BNC2: variants seen among roughly 807,000 people sequenced by gnomAD.
The protein encoded by BNC2 is basonuclin zinc finger protein 2, also known as zinc finger protein basonuclin-2.
BNC2 carries 20 observed loss-of-function variants against 76.3 expected under a neutral mutation model. The ratio of observed to expected loss-of-function variants is 0.26; its 90% CI spans 0.18 to 0.38. BNC2 has a LOEUF of 0.38. BNC2 is among the 10% of genes least tolerant of loss of function. The pLI, the probability that BNC2 is intolerant of heterozygous loss-of-function variation, is 1.00. For synonymous variants in BNC2, 582 were observed against 514.8 expected (o/e 1.13, Z -1.77); for missense variants, 1,382 against 1,399.8 (o/e 0.99, Z 0.20).
intron 3 of BNC2, among the ~76,000 whole-genome samples, chr9:16,653,083 C>T (rs1821836876): frequency 1.3e-5 from 2 of 152,024 alleles, no homozygotes; most frequent in South Asian, 4.2e-4. Flanking sequence ...TTAAAATTAC[C>T]TGATTTTCAG....
At chr9:16,598,560 G>A (rs7861648) in intron 3 of BNC2, among the ~76,000 whole-genome samples, 4,541 of 152,220 alleles carry the variant, frequency 0.03, 242 homozygotes, top group African/African-American at 0.1. Context: ...TCACCACTAC[G>A]GGGAAGAGAC....
chr9:16,705,273 T>C (rs1823633422), intron 3 of BNC2, among the ~76,000 whole-genome samples: 2 of 152,240 alleles, frequency 1.3e-5, no homozygotes, highest in South Asian at 4.2e-4. Context: ...AATGCACTAG[T>C]CACAACAGAC....
At chr9:16,804,124 A>C (rs1322516134) in intron 1 of BNC2, among the ~76,000 whole-genome samples, 1 of 152,268 alleles carries the variant, frequency 6.6e-6, no homozygotes, top group Non-Finnish European at 1.5e-5. Context: ...GAAATGTCAC[A>C]GTAGTTTGCC....
chr9:16,731,769 A>G (rs998522926), intron 2 of BNC2, among the ~76,000 whole-genome samples: 2 of 152,206 alleles, frequency 1.3e-5, no homozygotes, highest in Admixed American at 1.3e-4. Flanking sequence ...ACACCTTATT[A>G]AGCATTTCAT....
Position 16,661,226 on chromosome 9 carries a change from T to A in BNC2, c.330+66571A>T, listed in dbSNP as rs550285045. Among the ~76,000 whole-genome samples, 6 of 152,278 alleles carry A rather than the reference T, an allele frequency of 3.9e-5. No individual in the cohort carries two copies. The South Asian group carries it at 8.3e-4, about 21-fold the overall frequency. ...TCATCAGAAGAACAGATGTAATGGG[T>A]AATATACTCATCTTCTAACAAAAAA... On this transcript the variant is annotated intron_variant, in intron 3 of 6. Transcript: ENST00000380672.
intron 1 of BNC2, among the ~76,000 whole-genome samples, chr9:16,858,238 T>C (rs927413903): frequency 6.6e-6 from 1 of 152,238 alleles, no homozygotes; most frequent in African/African-American, 2.4e-5. Context: ...GGGTACTTAA[T>C]TCCACCCTTC....
rs111586424 is a variant in BNC2, at chr9:16,839,423, G to C, written c.3+31223C>G. 1.7e-3 allele frequency among the ~76,000 whole-genome samples: 262 copies of C among 152,226 alleles called. 1 individual carries two copies. The highest frequency in any genetic ancestry group is 6.0e-3 in the African/African-American group (250 of 41,552). On this transcript the variant is annotated intron_variant, in intron 1 of 6. Transcript: ENST00000380672. ...AAATACTGCCCAAATTACTAGTTTT[G>C]AAAGCTATCCTAGAATAGAAATAAA...
At chr9:16,781,485 G>A (rs1826153455) in intron 1 of BNC2, among the ~76,000 whole-genome samples, 1 of 152,244 alleles carries the variant, frequency 6.6e-6, no homozygotes, top group Non-Finnish European at 1.5e-5. Flanking sequence ...TGGGACTACA[G>A]GCGCAAGCCG....
chr9:16,815,089 T>C (rs1026022182), intron 1 of BNC2, among the ~76,000 whole-genome samples: 1 of 152,106 alleles, frequency 6.6e-6, no homozygotes, highest in Non-Finnish European at 1.5e-5. Context: ...CTTACACTCG[T>C]TTGACCAGCC....
In BNC2 at chr9:16,678,261, C is replaced by CTTTCTCTTTTTTTTTTTTTTTT. The variant is rs1473647913; in HGVS notation, c.330+49535_330+49536insAAAAAAAAAAAAAAAAGAGAAA. On this transcript the variant is annotated intron_variant, in intron 3 of 6. Transcript: ENST00000380672. ...ACCATAACTTGTAACTGTTTTCTTT[C>CTTTCTCTTTTTTTTTTTTTTTT]TTTTTCTTTTTTTTTTTTTTTTTTT... Among the ~76,000 whole-genome samples, 6 of 75,888 alleles carry CTTTCTCTTTTTTTTTTTTTTTT rather than the reference C, an allele frequency of 7.9e-5. 1 individual carries two copies. Among genetic ancestry groups the CTTTCTCTTTTTTTTTTTTTTTT allele is most frequent in the East Asian group, 1.3e-3 (2 of 1,570 alleles). 49.8% of individuals were successfully genotyped at this position (75,888 alleles called of 152,430 possible).
rs564917731 is a variant in BNC2, at chr9:16,756,422, C to G, written c.4-17937G>C. ...CATTCCTCTCTCTATTACTCTGGTA[C>G]AGACTCTCATATTTTGACAGCTGAA... On this transcript the variant is annotated intron_variant, in intron 1 of 6. Coordinates refer to ENST00000380672, the MANE Select transcript of BNC2 (RefSeq NM_017637.6). Among the ~76,000 whole-genome samples, 6 of 152,256 alleles carry G rather than the reference C, an allele frequency of 3.9e-5. No homozygotes were observed. In the South Asian group the frequency reaches 6.2e-4, roughly 16 times the overall value.
chr9:16,690,474 C>T (rs898919521), intron 3 of BNC2, among the ~76,000 whole-genome samples: 2 of 152,006 alleles, frequency 1.3e-5, no homozygotes, highest in Non-Finnish European at 2.9e-5. Context: ...TACATACATA[C>T]ATACATACAT....
intron 1 of BNC2, among the ~76,000 whole-genome samples, chr9:16,802,834 T>C (rs940022201): frequency 6.6e-6 from 1 of 152,238 alleles, no homozygotes; most frequent in Non-Finnish European, 1.5e-5. Flanking sequence ...AAAGCAAGTA[T>C]GATGTTTTCC....
chr9:16,805,713 GCACA>G (rs57325819), intron 1 of BNC2, among the ~76,000 whole-genome samples: 3 of 149,198 alleles, frequency 2.0e-5, no homozygotes, highest in East Asian at 2.0e-4. Context: ...TTGCATACAT[GCACA>G]CACACACACA....
intron 5 of BNC2, among the ~76,000 whole-genome samples, chr9:16,446,790 G>T (rs1587036905): frequency 7.1e-5 from 1 of 14,088 alleles, no homozygotes; most frequent in East Asian, 1.9e-3. Flanking sequence ...GATTATGATA[G>T]ATCACTCTGG....
intron 5 of BNC2, among the ~76,000 whole-genome samples, chr9:16,475,675 C>A (rs1045191443): frequency 6.6e-6 from 1 of 152,172 alleles, no homozygotes; most frequent in Non-Finnish European, 1.5e-5. Flanking sequence ...TGTCTTTTAT[C>A]CCCTTTCCTC....
At chr9:16,865,888 G>A (rs1819532210) in intron 1 of BNC2, among the ~76,000 whole-genome samples, 1 of 152,124 alleles carries the variant, frequency 6.6e-6, no homozygotes, top group South Asian at 2.1e-4. Context: ...AACAAGGGAG[G>A]CTCTTTGAAC....
chr9:16,745,312 T>C (rs533738068), intron 1 of BNC2, among the ~76,000 whole-genome samples: 33 of 152,292 alleles, frequency 2.2e-4, no homozygotes, highest in African/African-American at 6.3e-4. Flanking sequence ...AGTGAGTGTG[T>C]ATGAGTGTGC....
intron 1 of BNC2, among the ~76,000 whole-genome samples, chr9:16,865,381 G>A (rs185138659): frequency 6.6e-6 from 1 of 152,178 alleles, no homozygotes; most frequent in East Asian, 1.9e-4. Context: ...TTTAGTGAAC[G>A]TAATTTGTTA....
Sources: allele counts gnomAD v4.1 joint callset (sites outside exome capture counted in the v4.1 genomes callset), GRCh38; gene constraint gnomAD v4.1.1; transcripts MANE v1.5; gene names NCBI Gene and HGNC (gene_info 2026-07-23, HGNC 2026-07-21).